Variants in CIBAR1 observed in about 807,000 individuals in gnomAD.
CIBAR1 encodes the protein CBY1 interacting BAR domain containing 1.
CIBAR1 carries 25 observed loss-of-function variants against 44.0 expected under a neutral mutation model. The observed-to-expected ratio is 0.57, with a 90% CI of 0.41 to 0.79. The LOEUF is 0.79. Among genes scored for constraint, CIBAR1 ranks in the 30% least tolerant of loss-of-function variants. CIBAR1 has a pLI of 0.00. For synonymous variants in CIBAR1, 115 were observed against 119.0 expected, an observed-to-expected ratio of 0.97 and a Z score of 0.22; for missense variants, 278 against 344.8, an observed-to-expected ratio of 0.81 and a Z score of 1.53.
At position 93,703,691 on chromosome 8, in the gene CIBAR1, A is replaced by T. The variant is rs1026652912; in HGVS notation, c.330+3A>T. 17 of 1,547,758 alleles carry T rather than the reference A, an allele frequency of 1.1e-5. No homozygotes were observed. Among genetic ancestry groups the T allele is most frequent in the Non-Finnish European group, 1.5e-5 (17 of 1,145,516 alleles). On this transcript the variant is annotated splice_donor_region_variant and intron_variant, in intron 3 of 8. Transcript: ENST00000518322. ...GGACCATTGTGAAAATGAAACGGGT[A>T]AGTAAATCCATTTTCTCACTTAACT...
chr8:93,716,760 T>G (rs1387273224), intron 6 of CIBAR1, among the ~76,000 whole-genome samples: 2 of 152,226 alleles, frequency 1.3e-5, no homozygotes, highest in African/African-American at 4.8e-5. Context: ...ATTTTCTTGA[T>G]TTTTAAAATA....
intron 5 of CIBAR1, among the ~76,000 whole-genome samples, chr8:93,708,500 C>T (rs1022674915): frequency 2.0e-5 from 3 of 152,042 alleles, no homozygotes; most frequent in Non-Finnish European, 2.9e-5. Context: ...ATGAAAATAG[C>T]CCCATATGGC....
intron 6 of CIBAR1, among the ~76,000 whole-genome samples, chr8:93,711,279 T>TTAC (rs1310137441): frequency 2.6e-5 from 4 of 152,236 alleles, no homozygotes; most frequent in African/African-American, 9.6e-5. Flanking sequence ...TGTTTTTATT[T>TTAC]TACTACTATT....
chr8:93,700,944 A>T, intron 1 of CIBAR1: 1 of 1,374,760 alleles, frequency 7.3e-7, no homozygotes, highest in South Asian at 1.8e-5. Context: ...CCTAGGAGGC[A>T]GCCGGGCGCC....
In CIBAR1 at chr8:93,714,288, T is replaced by G. The variant is rs76075420; in HGVS notation, c.544-4387T>G. 4.8e-3 allele frequency among the ~76,000 whole-genome samples: 725 copies of G among 152,362 alleles called. 1 individual carries two copies. Among genetic ancestry groups the G allele is most frequent in the African/African-American group, 0.016 (676 of 41,588 alleles). The stretch of plus-strand genomic sequence containing the variant: ...TGTCACAAATGTATAGAAATACAGT[T>G]GATTTTTGTATACTGACTTATGTCT... On this transcript the variant is annotated intron_variant, in intron 6 of 8. Transcript: ENST00000518322.
intron 6 of CIBAR1, among the ~76,000 whole-genome samples, chr8:93,716,477 C>T (rs1275938793): frequency 6.6e-6 from 1 of 151,810 alleles, no homozygotes; most frequent in Non-Finnish European, 1.5e-5. Context: ...GCGATACATT[C>T]CTTTAGTAAA....
chr8:93,724,113 C>T (rs1479699057), intron 7 of CIBAR1, among the ~76,000 whole-genome samples: 1 of 152,076 alleles, frequency 6.6e-6, no homozygotes, highest in African/African-American at 2.4e-5. Flanking sequence ...GTCCCAGCTA[C>T]TCAGGAGGCT....
intron 6 of CIBAR1, chr8:93,715,957 A>C (rs1811020539): frequency 6.6e-6 from 1 of 152,216 alleles, no homozygotes; most frequent in African/African-American, 2.4e-5. Flanking sequence ...ATTTTAATAT[A>C]TATTTTTAAA....
chr8:93,709,249 T>C (rs1380189783), intron 5 of CIBAR1, among the ~76,000 whole-genome samples: 1 of 152,122 alleles, frequency 6.6e-6, no homozygotes, highest in Non-Finnish European at 1.5e-5. Flanking sequence ...CACTGCACTC[T>C]AGCCTGGGCA....
chr8:93,703,847 G>A (rs986073650), intron 3 of CIBAR1, among the ~76,000 whole-genome samples, 159 bp downstream of exon 3: 20 of 151,962 alleles, frequency 1.3e-4, no homozygotes, highest in African/African-American at 3.9e-4. Context: ...GGCGGATCAC[G>A]AGGTCAGGAG....
chr8:93,708,197 T>C (rs1441649589), intron 5 of CIBAR1, among the ~76,000 whole-genome samples, 181 bp downstream of exon 5: 2 of 152,184 alleles, frequency 1.3e-5, no homozygotes, highest in Non-Finnish European at 2.9e-5. Flanking sequence ...ATGATATATG[T>C]GACTTTTGAG....
intron 6 of CIBAR1, among the ~76,000 whole-genome samples, chr8:93,710,378 T>C (rs967453488): frequency 6.6e-6 from 1 of 151,376 alleles, no homozygotes; most frequent in Non-Finnish European, 1.5e-5. Context: ...AACAGTGATA[T>C]ATAAAAGACC....
Position 93,730,080 on chromosome 8 carries a change from TC to T in CIBAR1, c.*1784del, listed in dbSNP as rs1811728064. The T allele has an allele frequency of 6.6e-6, 1 of 152,214 alleles. No homozygotes were observed. Among genetic ancestry groups the T allele is most frequent in the African/African-American group, 2.4e-5 (1 of 41,452 alleles). 9.4% of individuals were successfully genotyped at this position (152,214 alleles called of 1,614,324 possible). A position where few individuals can be genotyped will look rare whatever the true frequency, so the allele number is the denominator to read the frequency against. On this transcript the variant is annotated 3_prime_UTR_variant, in exon 9 of 9. Transcript: ENST00000518322. The stretch of plus-strand genomic sequence containing the variant: ...TTGGCACTCAAAAAGTTTGTGATTT[TC>T]GGAGCATGTGAAATTTCAGATTACC...
intron 6 of CIBAR1, among the ~76,000 whole-genome samples, chr8:93,710,235 G>A (rs565757738): frequency 2.0e-5 from 3 of 151,878 alleles, no homozygotes; most frequent in Admixed American, 6.6e-5. Context: ...CCATGACCGT[G>A]CCACTGCACT....
chr8:93,703,433 C>T (rs1810448799), intron 2 of CIBAR1, among the ~76,000 whole-genome samples, 187 bp from the exon 3 acceptor site: 1 of 152,106 alleles, frequency 6.6e-6, no homozygotes, highest in South Asian at 2.1e-4. Context: ...CCTGGGAAAC[C>T]TGAGACATTT....
At position 93,700,582 on chromosome 8, in the gene CIBAR1, C is replaced by G; in HGVS notation, c.-66C>G. ...CGGCGGCTGCTTGCGCCCCAGCGCG[C>G]GCCCAGGCGCCTTGGAATCCCCGTC... On this transcript the variant is annotated 5_prime_UTR_variant, in exon 1 of 9. Transcript: ENST00000518322. 7.0e-7 allele frequency: 1 copy of G among 1,422,970 alleles called. No homozygotes were observed. The highest frequency in any genetic ancestry group is 9.2e-7 in the Non-Finnish European group (1 of 1,087,406). 88.1% of individuals were successfully genotyped at this position (1,422,970 alleles called of 1,614,324 possible).
intron 6 of CIBAR1, among the ~76,000 whole-genome samples, chr8:93,717,194 G>A (rs185875343): frequency 1.3e-5 from 2 of 152,242 alleles, no homozygotes; most frequent in East Asian, 1.9e-4. Flanking sequence ...GCTTGTCATC[G>A]ACTCTTCGTT....
chr8:93,723,796 GA>G (rs1811366028), intron 7 of CIBAR1, among the ~76,000 whole-genome samples: 2 of 152,130 alleles, frequency 1.3e-5, no homozygotes, highest in African/African-American at 4.8e-5. Flanking sequence ...GCAGAAGAAA[GA>G]TGGCGTTTTA....
intron 7 of CIBAR1, chr8:93,724,418 G>C: frequency 2.4e-6 from 1 of 422,580 alleles, no homozygotes; most frequent in South Asian, 1.8e-5. Context: ...CTTGACCTCT[G>C]AGCTTAGGTG....
Sources: allele counts gnomAD v4.1 joint callset (sites outside exome capture counted in the v4.1 genomes callset), GRCh38; gene constraint gnomAD v4.1.1; transcripts MANE v1.5; gene names NCBI Gene and HGNC (gene_info 2026-07-23, HGNC 2026-07-21).